Variants in TAS1R1 observed in about 807,000 individuals in gnomAD.
The protein encoded by TAS1R1 is taste 1 receptor member 1.
A neutral mutation model predicts 45.8 loss-of-function variants in TAS1R1; 31 were observed. That is an observed-to-expected ratio of 0.68 (90% CI 0.51 to 0.91). The LOEUF is 0.91. Ranked by LOEUF, TAS1R1 falls within the 40% of genes least tolerant of loss-of-function variation. The pLI, the probability that TAS1R1 is intolerant of heterozygous loss-of-function variation, is 0.00. For synonymous variants in TAS1R1, 437 were observed against 448.4 expected (o/e 0.97, Z 0.32); for missense variants, 1,051 against 1,063.9 (o/e 0.99, Z 0.17).
In TAS1R1 at chr1:6,578,713, G is replaced by C; in HGVS notation, c.1655G>C (p.Cys552Ser). Reference sequence around the variant, plus strand: ...TGGGCACCTGAGGGAAGCCAGACCTGCTTCCCGCGCACTGTGGTGTTTTTG... The same window carrying C: ...TGGGCACCTGAGGGAAGCCAGACCTCCTTCCCGCGCACTGTGGTGTTTTTG... ...EEWAPEGSQT[C>S]FPRTVVFLAL... The change falls in exon 6 of 6, where the codon TGC becomes TCC. Residue 552 changes from cysteine (C) to serine (S), a missense_variant. Coordinates refer to ENST00000333172, the MANE Select transcript of TAS1R1 (RefSeq NM_138697.4). 4 of 1,609,864 alleles carry C rather than the reference G, an allele frequency of 2.5e-6. No homozygotes were observed. The highest frequency in any genetic ancestry group is 3.4e-6 in the Non-Finnish European group (4 of 1,177,222).
chr1:6,571,353 T>TCAGG, intron 2 of TAS1R1, 138 bp downstream of exon 2: 1 of 912,136 alleles, frequency 1.1e-6, no homozygotes, highest in South Asian at 1.8e-5. Flanking sequence ...TAGTCACAAG[T>TCAGG]CAGGGGTCCC....
chr1:6,563,210 G>GAGA (rs1307749984), intron 1 of TAS1R1, among the ~76,000 whole-genome samples: 1 of 152,186 alleles, frequency 6.6e-6, no homozygotes, highest in East Asian at 1.9e-4. Context: ...CCGTTTGGGT[G>GAGA]ACCTTAAAAT....
intron 1 of TAS1R1, among the ~76,000 whole-genome samples, chr1:6,566,811 G>A (rs1025626068): frequency 2.0e-5 from 3 of 152,214 alleles, no homozygotes; most frequent in African/African-American, 4.8e-5. Context: ...TAGCCAGGAT[G>A]GTCTTGATCT....
At chr1:6,572,014 C>T (rs1640030072) in intron 2 of TAS1R1, among the ~76,000 whole-genome samples, 1 of 152,158 alleles carries the variant, frequency 6.6e-6, no homozygotes, top group Non-Finnish European at 1.5e-5. Context: ...CCCTCCTTGG[C>T]TTATGGATCC....
chr1:6,557,607 T>A (rs1639707875), intron 1 of TAS1R1, among the ~76,000 whole-genome samples: 1 of 152,062 alleles, frequency 6.6e-6, no homozygotes, highest in South Asian at 2.1e-4. Context: ...GGCTAATTTT[T>A]TAATTTTTTG....
rs1195134328 is a variant in TAS1R1 at position 6,579,246 on chromosome 1, C to T, written c.2188C>T (p.Leu730=). 1 of 1,614,218 alleles carries T rather than the reference C, an allele frequency of 6.2e-7. No individual in the cohort carries two copies. The highest frequency in any genetic ancestry group is 1.6e-4 in the Middle Eastern group (1 of 6,062). Residue 730 remains leucine, a synonymous_variant, in exon 6 of 6, where the codon CTG becomes TTG. Coordinates refer to ENST00000333172, the MANE Select transcript of TAS1R1 (RefSeq NM_138697.4). ...CTETNSLGFI[L]AFLYNGLLSI... is the part of the protein sequence containing the mutation. ...AGAGACCAACTCCCTGGGCTTCATA[C>T]TGGCCTTCCTCTACAATGGCCTCCT... is the stretch of plus-strand genomic sequence containing the variant.
At chr1:6,569,086 C>T (rs572861297) in intron 1 of TAS1R1, among the ~76,000 whole-genome samples, 3 of 128,216 alleles carry the variant, frequency 2.3e-5, no homozygotes, top group East Asian at 2.2e-4. Context: ...GGTGAAAATT[C>T]GGAGTCAGAG....
In TAS1R1 at chr1:6,579,440, G is replaced by A; in HGVS notation, c.2382G>A (p.Met794Ile). The change falls in exon 6 of 6, where the codon ATG becomes ATA. Residue 794 changes from methionine (M) to isoleucine (I), a missense_variant. Met to Ile is a conservative substitution (Grantham distance 10). Coordinates refer to ENST00000333172, the MANE Select transcript of TAS1R1 (RefSeq NM_138697.4). ...DGKYLPAANM[M>I]AGLSSLSSGF... ...AGTACCTGCCTGCGGCCAACATGAT[G>A]GCTGGGCTGAGCAGCCTGAGCAGCG... 1 of 1,614,084 alleles carries A rather than the reference G, an allele frequency of 6.2e-7. No individual in the cohort carries two copies. Among genetic ancestry groups the A allele is most frequent in the Non-Finnish European group, 8.5e-7 (1 of 1,180,044 alleles).
intron 1 of TAS1R1, among the ~76,000 whole-genome samples, chr1:6,570,671 T>A (rs1316695962): frequency 1.3e-5 from 2 of 152,204 alleles, no homozygotes; most frequent in Non-Finnish European, 1.5e-5. Flanking sequence ...CACTGACTAA[T>A]GTAGCAGGTT....
At chr1:6,562,362 G>A (rs1372501763) in intron 1 of TAS1R1, among the ~76,000 whole-genome samples, 1 of 152,136 alleles carries the variant, frequency 6.6e-6, no homozygotes, top group Non-Finnish European at 1.5e-5. Flanking sequence ...TAGAGATGGG[G>A]TTTCACCATG....
Position 6,579,266 on chromosome 1 carries a change from C to T in TAS1R1, c.2208C>T (p.Gly736=). ...TCATACTGGCCTTCCTCTACAATGG[C>T]CTCCTCTCCATCAGTGCCTTTGCCT... ...LGFILAFLYN[G]LLSISAFACS... is the part of the protein sequence containing the mutation. The change falls in exon 6 of 6, where the codon GGC becomes GGT. Residue 736 remains glycine, a synonymous_variant. Coordinates refer to ENST00000333172, the MANE Select transcript of TAS1R1 (RefSeq NM_138697.4). 1 of 1,614,242 alleles carries T rather than the reference C, an allele frequency of 6.2e-7. No homozygotes were observed. The highest frequency in any genetic ancestry group is 8.5e-7 in the Non-Finnish European group (1 of 1,180,046).
chr1:6,568,303 A>G (rs1421578562), intron 1 of TAS1R1, among the ~76,000 whole-genome samples: 1 of 151,858 alleles, frequency 6.6e-6, no homozygotes, highest in Non-Finnish European at 1.5e-5. Flanking sequence ...AATACAAAAA[A>G]AATTAGCCGG....
chr1:6,574,981 T>C lies in TAS1R1; in HGVS notation c.849T>C (p.Phe283=). Residue 283 remains phenylalanine, a synonymous_variant, in exon 3 of 6, where the codon TTT becomes TTC. Transcript: ENST00000333172. This position sits in a 1 kb window ranked among gnomAD's most constrained non-coding sequence, Gnocchi z 4.3. ...CCAGCCGGCAGTTGGCCAGGGTGTT[T>C]TTCGAGTCCGTGGTGCTGACCAACC... is the stretch of plus-strand genomic sequence containing the variant. ...VFSSRQLARV[F]FESVVLTNLT... 1 of 1,603,550 alleles carries C rather than the reference T, an allele frequency of 6.2e-7. No homozygotes were observed. Among genetic ancestry groups the C allele is most frequent in the Non-Finnish European group, 8.5e-7 (1 of 1,173,536 alleles).
rs184481332 is a variant in TAS1R1, at chr1:6,566,915, G to T, written c.192-3994G>T. Among the ~76,000 whole-genome samples the T allele has an allele frequency of 1.4e-3, 211 of 152,254 alleles. 3 individuals carry two copies. Among genetic ancestry groups the T allele is most frequent in the Middle Eastern group, 3.4e-3 (1 of 294 alleles). Reference sequence around the variant, plus strand: ...GGCCTTTTAGCTGGATTTTGATGGGGTCATGATGAGCAGTTAGGGAAGGGA... The same window carrying T: ...GGCCTTTTAGCTGGATTTTGATGGGTTCATGATGAGCAGTTAGGGAAGGGA... On this transcript the variant is annotated intron_variant, in intron 1 of 5. Transcript: ENST00000333172.
At chr1:6,568,372 G>A (rs1488922004) in intron 1 of TAS1R1, among the ~76,000 whole-genome samples, 1 of 151,740 alleles carries the variant, frequency 6.6e-6, no homozygotes, top group Non-Finnish European at 1.5e-5. Context: ...GGAGAATGGC[G>A]TGAACCCGGG....
chr1:6,566,167 A>T (rs570350524), intron 1 of TAS1R1, among the ~76,000 whole-genome samples: 7 of 152,328 alleles, frequency 4.6e-5, no homozygotes, highest in African/African-American at 1.7e-4. Context: ...GTCTTGGGCT[A>T]TGACTTGCCC....
At chr1:6,566,382 G>A (rs1639871949) in intron 1 of TAS1R1, among the ~76,000 whole-genome samples, 1 of 152,004 alleles carries the variant, frequency 6.6e-6, no homozygotes. Flanking sequence ...GTGTATAGAG[G>A]TTAGGGACTA....
In TAS1R1 at chr1:6,574,128, C is replaced by G. The variant is rs1248722780; in HGVS notation, c.499-503C>G. ...CTCATAAGTAGCGTGCAACCCAGAT[C>G]CCTCGCATGTGCAGTTCACAGTAGG... is the stretch of plus-strand genomic sequence containing the variant. On this transcript the variant is annotated intron_variant, in intron 2 of 5. Coordinates refer to ENST00000333172, the MANE Select transcript of TAS1R1 (RefSeq NM_138697.4). The surrounding 1 kb of genome is among the most constrained non-coding windows in gnomAD (Gnocchi z 4.3). Among the ~76,000 whole-genome samples, 1 of 152,134 alleles carries G rather than the reference C, an allele frequency of 6.6e-6. No individual in the cohort carries two copies. Among genetic ancestry groups the G allele is most frequent in the African/African-American group, 2.4e-5 (1 of 41,410 alleles).
At chr1:6,571,362 C>G in intron 2 of TAS1R1, 147 bp downstream of exon 2, 1 of 830,062 alleles carries the variant, frequency 1.2e-6, no homozygotes, top group Non-Finnish European at 1.8e-6. Context: ...GTCAGGGGTC[C>G]CTGCCCAGCG....
Sources: allele counts gnomAD v4.1 joint callset (sites outside exome capture counted in the v4.1 genomes callset), GRCh38; gene constraint gnomAD v4.1.1; non-coding constraint Gnocchi (gnomAD v3.1); transcripts MANE v1.5; gene names NCBI Gene and HGNC (gene_info 2026-07-23, HGNC 2026-07-21).